The following SNX5 variants were observed in gnomAD, a reference collection of about 807,000 sequenced individuals.
SNX5 encodes the protein sorting nexin-5.
SNX5 carries 31 observed loss-of-function variants against 53.9 expected under a neutral mutation model. The ratio of observed to expected loss-of-function variants is 0.58; its 90% confidence interval spans 0.43 to 0.78. The LOEUF (loss-of-function observed/expected upper bound fraction) is 0.78. SNX5 is among the 30% of genes least tolerant of loss of function. The pLI, the probability that SNX5 is intolerant of heterozygous loss-of-function variation, is 0.00. For missense variants in SNX5, 471 were observed against 478.8 expected (o/e 0.98, Z 0.15); for synonymous variants, 168 against 171.1 (o/e 0.98, Z 0.14).
intron 8 of SNX5, among the ~76,000 whole-genome samples, chr20:17,949,696 T>TA (rs2039536507): frequency 6.6e-6 from 1 of 152,128 alleles, no homozygotes; most frequent in African/African-American, 2.4e-5. Flanking sequence ...TCATGACCAC[T>TA]ATAACCAAAT....
chr20:17,961,564 T>C (rs939888950), intron 1 of SNX5: 3 of 983,894 alleles, frequency 3.0e-6, no homozygotes, highest in South Asian at 9.4e-5. Context: ...TATGCAGTGC[T>C]AGCCTGTATT....
chr20:17,954,995 G>C (rs2035328292), intron 3 of SNX5, among the ~76,000 whole-genome samples: 1 of 152,092 alleles, frequency 6.6e-6, no homozygotes, highest in South Asian at 2.1e-4. Flanking sequence ...TAAAGGCATG[G>C]CCTCCTTCAG....
chr20:17,968,307 A>G, intron 1 of SNX5, 68 bp downstream of exon 1: 1 of 1,203,378 alleles, frequency 8.3e-7, no homozygotes, highest in Non-Finnish European at 1.1e-6. Context: ...CGCGCAAGGG[A>G]AAGAATGCAG....
Position 17,952,659 on chromosome 20 carries a change from A to G in SNX5, c.441T>C (p.Leu147=), listed in dbSNP as rs114894362. Residue 147 remains leucine (L), a synonymous_variant, in exon 5 of 13, where the codon CTT becomes CTC. Transcript: ENST00000377759. ...KKTVSSHEVF[L]QRLSSHPVLS... ...GAACAGGGTGAGAAGAAAGCCGCTGAAGAAAGACTTCATGGGAGGACACAG... is the reference window on the plus strand; with the variant it reads ...GAACAGGGTGAGAAGAAAGCCGCTGGAGAAAGACTTCATGGGAGGACACAG... The G allele has an allele frequency of 1.2e-6, 2 of 1,614,156 alleles. No individual in the cohort carries two copies. Among genetic ancestry groups the G allele is most frequent in the East Asian group, 2.2e-5 (1 of 44,878 alleles).
rs113035459 is a variant in SNX5 at position 17,951,974 on chromosome 20, A to T, written c.514-379T>A. ...CGCAGTGGCTCACGCCTGTAATCCC[A>T]GCACTTTGGGAGGCCAAGGCGGGCG... On this transcript the variant is annotated intron_variant, in intron 5 of 12. Coordinates refer to ENST00000377759, the MANE Select transcript of SNX5 (RefSeq NM_014426.4). Among the ~76,000 whole-genome samples, 1,495 of 152,370 alleles carry T rather than the reference A, an allele frequency of 9.8e-3. 23 individuals carry two copies. Among genetic ancestry groups the T allele is most frequent in the African/African-American group, 0.035 (1,439 of 41,584 alleles).
At chr20:17,943,998 C>T (rs570576434) in intron 11 of SNX5, 5 of 152,330 alleles carry the variant, frequency 3.3e-5, no homozygotes, top group African/African-American at 1.2e-4. Flanking sequence ...ATACATTATA[C>T]TATCCGGCCT....
chr20:17,960,334 G>A (rs6136236), intron 1 of SNX5, among the ~76,000 whole-genome samples: 38,195 of 151,886 alleles, frequency 0.25, 5,494 homozygotes, highest in East Asian at 0.44. Context: ...GGTGGCTCAC[G>A]CCTGTAATCC....
intron 1 of SNX5, 136 bp downstream of exon 1, chr20:17,968,239 C>G (rs1177422576): frequency 1.1e-5 from 7 of 649,202 alleles, no homozygotes; most frequent in Non-Finnish European, 1.5e-5. Context: ...AGGGGCCGCC[C>G]GGGTCTCACG....
Position 17,956,830 on chromosome 20 carries a change from C to T in SNX5, c.156+103G>A, listed in dbSNP as rs77090944. On this transcript the variant is annotated intron_variant, in intron 2 of 12. Transcript: ENST00000377759. ...GTTCTCACTTAATAGTGCTACCCTA[C>T]GAATAGCAACTGTTTCAAGCTCAGG... is the stretch of plus-strand genomic sequence containing the variant. The T allele has an allele frequency of 1.3e-3, 917 of 708,172 alleles. 4 individuals are homozygous for T. The highest frequency in any genetic ancestry group is 9.3e-3 in the African/African-American group (538 of 57,570). The allele number at this position is 708,172 out of a possible 1,614,324, so 43.9% of individuals were successfully genotyped here.
intron 10 of SNX5, among the ~76,000 whole-genome samples, chr20:17,948,680 C>G (rs144558967): frequency 3.2e-4 from 49 of 152,222 alleles, no homozygotes; most frequent in Admixed American, 6.5e-5. Context: ...CATCAATGAC[C>G]TATAATCCCC....
intron 1 of SNX5, among the ~76,000 whole-genome samples, chr20:17,967,139 G>A (rs1309123252): frequency 6.6e-6 from 1 of 152,148 alleles, no homozygotes; most frequent in African/African-American, 2.4e-5. Flanking sequence ...TACTACCAGA[G>A]AGTGGGGTGA....
chr20:17,943,200 AG>A lies in SNX5; in HGVS notation c.1079-6del. The A allele has an allele frequency of 1.3e-6, 2 of 1,582,064 alleles. No homozygotes were observed. The highest frequency in any genetic ancestry group is 1.7e-6 in the Non-Finnish European group (2 of 1,153,740). On this transcript the variant is annotated splice_polypyrimidine_tract_variant and splice_region_variant and intron_variant, in intron 11 of 12. Transcript: ENST00000377759. ...TCCGTTTGAAATTTATCAGTTCTACAGGAAGAAAAAATGTTTATGAAACCAA... is the reference window on the plus strand; with the variant it reads ...TCCGTTTGAAATTTATCAGTTCTACAGAAGAAAAAATGTTTATGAAACCAA...
At chr20:17,967,482 T>C (rs914344508) in intron 1 of SNX5, among the ~76,000 whole-genome samples, 10 of 152,236 alleles carry the variant, frequency 6.6e-5, no homozygotes, top group African/African-American at 2.2e-4. Flanking sequence ...AGTTTCTCTA[T>C]GGAGGTGCCT....
At chr20:17,963,909 C>T (rs1206160697) in intron 1 of SNX5, among the ~76,000 whole-genome samples, 1 of 77,194 alleles carries the variant, frequency 1.3e-5, no homozygotes, top group Non-Finnish European at 2.6e-5. Context: ...ATTTCTTTCA[C>T]TCTTGAGTTT....
chr20:17,943,082 G>C (rs757708216), intron 12 of SNX5, 28 bp downstream of exon 12: 2 of 1,432,984 alleles, frequency 1.4e-6, no homozygotes, highest in African/African-American at 2.8e-5. Flanking sequence ...CATAAAAGAT[G>C]TTGGCTTCAT....
At position 17,968,476 on chromosome 20, in the gene SNX5, A is replaced by T; in HGVS notation, c.-51T>A. On this transcript the variant is annotated 5_prime_UTR_variant, in exon 1 of 13. Coordinates refer to ENST00000377759, the MANE Select transcript of SNX5 (RefSeq NM_014426.4). ...CGCCTGGCTGTGCGAGGAAAGAAGA[A>T]GCTGGGCCGCCGCCGCCGCCGCCTG... 1 of 1,280,490 alleles carries T rather than the reference A, an allele frequency of 7.8e-7. No homozygotes were observed. The highest frequency in any genetic ancestry group is 9.9e-7 in the Non-Finnish European group (1 of 1,009,830). 79.3% of individuals were successfully genotyped at this position (1,280,490 alleles called of 1,614,324 possible).
At chr20:17,947,808 T>C (rs185328458) in intron 10 of SNX5, among the ~76,000 whole-genome samples, 163 bp from the exon 11 acceptor site, 158 of 152,368 alleles carry the variant, frequency 1.0e-3, no homozygotes, top group African/African-American at 3.7e-3. Flanking sequence ...GGATGAGCAA[T>C]GCTGATAGCT....
intron 1 of SNX5, among the ~76,000 whole-genome samples, chr20:17,967,280 TATA>T (rs1449203276): frequency 6.6e-6 from 1 of 152,054 alleles, no homozygotes; most frequent in East Asian, 1.9e-4. Flanking sequence ...AAAGTACCTT[TATA>T]ATGTTTTACA....
At chr20:17,962,070 T>C (rs2035462366) in intron 1 of SNX5, 1 of 799,176 alleles carries the variant, frequency 1.3e-6, no homozygotes, top group African/African-American at 1.9e-5. Context: ...CTCCGAATTG[T>C]TACTATTCTC....
Sources: allele counts gnomAD v4.1 joint callset (sites outside exome capture counted in the v4.1 genomes callset), GRCh38; gene constraint gnomAD v4.1.1; transcripts MANE v1.5; gene names NCBI Gene and HGNC (gene_info 2026-07-23, HGNC 2026-07-21).